MAPK10: variants seen among roughly 807,000 people sequenced by gnomAD.
The protein encoded by MAPK10 is JNK3 alpha protein kinase.
Under a neutral mutation model 59.3 loss-of-function variants are expected in MAPK10, and 25 were observed. The ratio of observed to expected loss-of-function variants is 0.42; its 90% CI spans 0.31 to 0.59. The LOEUF is 0.59. Ranked by LOEUF, MAPK10 falls within the 20% of genes least tolerant of loss-of-function variation. The probability of loss-of-function intolerance (pLI) is 0.15; values close to 1 mark genes in which losing one functional copy is unlikely to be tolerated. For missense variants in MAPK10, 351 were observed against 568.9 expected (o/e 0.62, Z 3.90); for synonymous variants, 190 against 200.5 (o/e 0.95, Z 0.44).
At chr4:86,530,269 GC>G (rs1157179086) in intron 1 of MAPK10, among the ~76,000 whole-genome samples, 1 of 152,016 alleles carries the variant, frequency 6.6e-6, no homozygotes, top group Non-Finnish European at 1.5e-5. Flanking sequence ...TAATATATAA[GC>G]CCCATGGACA....
At chr4:86,150,795 G>C (rs1440668596) in intron 4 of MAPK10, among the ~76,000 whole-genome samples, 2 of 152,162 alleles carry the variant, frequency 1.3e-5, no homozygotes, top group Non-Finnish European at 2.9e-5. Flanking sequence ...CAGGGAGGTG[G>C]AGCTTGCAGT....
At chr4:86,590,895 G>A (rs1762996510) in intron 1 of MAPK10, among the ~76,000 whole-genome samples, 1 of 152,082 alleles carries the variant, frequency 6.6e-6, no homozygotes, top group African/African-American at 2.4e-5. Context: ...AAAGAAGATT[G>A]CTTTTTTATT....
chr4:86,354,542 G>C lies in MAPK10; in HGVS notation c.-19C>G. Reference sequence around the variant, plus strand: ...ATTGGCAACTCACCACAGCTTGTATGGTTTCTCATCTATAGGAAACGGGTC... The same window carrying C: ...ATTGGCAACTCACCACAGCTTGTATCGTTTCTCATCTATAGGAAACGGGTC... On this transcript the variant is annotated 5_prime_UTR_variant, in exon 2 of 14. Coordinates refer to ENST00000641462, the MANE Select transcript of MAPK10 (RefSeq NM_138982.4). 5 of 1,227,226 alleles carry C rather than the reference G, an allele frequency of 4.1e-6. No individual in the cohort carries two copies. Among genetic ancestry groups the C allele is most frequent in the Non-Finnish European group, 5.1e-6 (5 of 983,630 alleles). The allele number at this position is 1,227,226 out of a possible 1,614,324, so 76.0% of individuals were successfully genotyped here.
At chr4:86,405,536 G>GAC (rs1744256486) in intron 1 of MAPK10, among the ~76,000 whole-genome samples, 2 of 152,080 alleles carry the variant, frequency 1.3e-5, no homozygotes, top group East Asian at 1.9e-4. Context: ...TTTCAGTGTT[G>GAC]ACACACACAC....
intron 2 of MAPK10, among the ~76,000 whole-genome samples, chr4:86,298,654 C>T (rs551104069): frequency 6.6e-6 from 1 of 152,274 alleles, no homozygotes; most frequent in East Asian, 1.9e-4. Context: ...TATTGGTTGC[C>T]TATCTTTTAT....
intron 2 of MAPK10, among the ~76,000 whole-genome samples, chr4:86,242,662 C>G (rs2092809934): frequency 6.6e-6 from 1 of 152,186 alleles, no homozygotes; most frequent in Non-Finnish European, 1.5e-5. Flanking sequence ...GCTGTGGGGA[C>G]AAGTCTTGGG....
intron 9 of MAPK10, among the ~76,000 whole-genome samples, chr4:86,088,289 C>T (rs1396932278): frequency 2.0e-5 from 3 of 152,288 alleles, no homozygotes; most frequent in South Asian, 4.1e-4. Context: ...TCAAGCTATC[C>T]TCCCAGCTAG....
At chr4:86,248,714 C>A (rs1320245452) in intron 2 of MAPK10, among the ~76,000 whole-genome samples, 2 of 152,188 alleles carry the variant, frequency 1.3e-5, no homozygotes, top group African/African-American at 4.8e-5. Context: ...CCTTCTAACA[C>A]AATGCAGGGT....
At chr4:86,229,237 T>C (rs2091161931) in intron 2 of MAPK10, among the ~76,000 whole-genome samples, 2 of 152,304 alleles carry the variant, frequency 1.3e-5, no homozygotes, top group East Asian at 3.9e-4. Flanking sequence ...AACAATCATG[T>C]ACTATTAAAA....
intron 1 of MAPK10, among the ~76,000 whole-genome samples, chr4:86,375,867 CT>C (rs1436949870): frequency 1.3e-5 from 2 of 151,934 alleles, no homozygotes; most frequent in Non-Finnish European, 2.9e-5. Flanking sequence ...CTGTAATGAA[CT>C]CTGTGAACTC....
intron 1 of MAPK10, among the ~76,000 whole-genome samples, chr4:86,551,301 A>T (rs967415707): frequency 6.6e-6 from 1 of 152,172 alleles, no homozygotes; most frequent in Non-Finnish European, 1.5e-5. Context: ...AAGTTTTAAA[A>T]TTTTGTTTTG....
intron 1 of MAPK10, among the ~76,000 whole-genome samples, chr4:86,588,077 A>G (rs1187831878): frequency 7.9e-5 from 12 of 152,178 alleles, no homozygotes; most frequent in Admixed American, 7.9e-4. Context: ...AAGCACAATC[A>G]CACATACCTG....
intron 1 of MAPK10, among the ~76,000 whole-genome samples, chr4:86,432,327 T>C (rs1401155904): frequency 6.6e-6 from 1 of 152,142 alleles, no homozygotes; most frequent in African/African-American, 2.4e-5. Context: ...GAGGCTGGAG[T>C]GCAGTGGTGT....
intron 4 of MAPK10, 168 bp downstream of exon 4, chr4:86,159,130 C>T (rs886490835): frequency 2.8e-5 from 13 of 465,286 alleles, no homozygotes; most frequent in African/African-American, 4.0e-5. Context: ...AAGTGGATAA[C>T]AAATTAAACA....
At chr4:86,543,406 G>A (rs569764910) in intron 1 of MAPK10, among the ~76,000 whole-genome samples, 1 of 152,066 alleles carries the variant, frequency 6.6e-6, no homozygotes, top group African/African-American at 2.4e-5. Flanking sequence ...TCCCTGGCTT[G>A]TTGGGAACAA....
chr4:86,295,023 C>T (rs575784766), intron 2 of MAPK10, among the ~76,000 whole-genome samples: 88 of 152,268 alleles, frequency 5.8e-4, no homozygotes, highest in Admixed American at 2.1e-3. Flanking sequence ...GGGTATCACT[C>T]GCATGGTACA....
At chr4:86,584,473 C>G (rs1467754398) in intron 1 of MAPK10, among the ~76,000 whole-genome samples, 2 of 152,100 alleles carry the variant, frequency 1.3e-5, no homozygotes, top group Non-Finnish European at 2.9e-5. Context: ...ACGAGAGGGT[C>G]TCACTCTGTC....
At chr4:86,426,144 T>G (rs1421359043) in intron 1 of MAPK10, among the ~76,000 whole-genome samples, 1 of 152,240 alleles carries the variant, frequency 6.6e-6, no homozygotes, top group Non-Finnish European at 1.5e-5. Flanking sequence ...TTGCTTACAT[T>G]ATTTCACTTT....
chr4:86,140,782 TACAC>T, intron 4 of MAPK10, among the ~76,000 whole-genome samples: 1 of 151,484 alleles, frequency 6.6e-6, no homozygotes, highest in East Asian at 1.9e-4. Context: ...TGTGCACAAA[TACAC>T]ACACACACAC....
Sources: gnomAD v4.1 joint callset for allele counts (sites outside exome capture counted in the v4.1 genomes callset) on GRCh38, gnomAD v4.1.1 for gene constraint, MANE v1.5 for transcripts, NCBI Gene and HGNC (gene_info 2026-07-23, HGNC 2026-07-21) for gene names.